Variants in GNE observed in about 807,000 individuals in gnomAD.
GNE encodes glucosamine (UDP-N-acetyl)-2-epimerase/N-acetylmannosamine kinase.
In GNE, 41 loss-of-function variants were observed where a neutral mutation model predicts 61.8. That is an observed-to-expected ratio of 0.66 (90% confidence interval 0.52 to 0.86). The LOEUF (loss-of-function observed/expected upper bound fraction) is 0.86. Ranked by LOEUF, GNE falls within the 40% of genes least tolerant of loss-of-function variation. The probability of loss-of-function intolerance (pLI) is 0.00; values close to 1 mark genes in which losing one functional copy is unlikely to be tolerated. For synonymous variants in GNE, 264 were observed against 326.4 expected, an observed-to-expected ratio of 0.81 and a Z score of 2.06; for missense variants, 608 against 909.1, an observed-to-expected ratio of 0.67 and a Z score of 4.26.
chr9:36,223,594 T>G (rs1401461318), intron 7 of GNE, 92 bp from the exon 8 acceptor site: 15 of 1,307,330 alleles, frequency 1.1e-5, no homozygotes, highest in Non-Finnish European at 1.5e-5. Flanking sequence ...AATTAGACAC[T>G]GCTATAGGAT....
intron 5 of GNE, among the ~76,000 whole-genome samples, chr9:36,231,307 A>G (rs1019101062): frequency 1.3e-5 from 2 of 152,084 alleles, no homozygotes; most frequent in Non-Finnish European, 2.9e-5. Flanking sequence ...TCTACAAAAC[A>G]TTTTGTAAAA....
rs1002961152 is a variant in GNE at position 36,246,016 on chromosome 9, G to T, written c.616+15C>A. 5.6e-6 allele frequency: 9 copies of T among 1,600,862 alleles called. No individual in the cohort carries two copies. Among genetic ancestry groups the T allele is most frequent in the Non-Finnish European group, 7.7e-6 (9 of 1,168,666 alleles). ...AAAAACAGCCATTAGACTGACTAAA[G>T]TCTGAGATACGTACCTAGCCACATG... On this transcript the variant is annotated intron_variant, in intron 3 of 11. Coordinates refer to ENST00000642385, the MANE Select transcript of GNE (RefSeq NM_005476.7).
chr9:36,222,418 CAAA>C (rs753437656), intron 9 of GNE, among the ~76,000 whole-genome samples: 3 of 117,300 alleles, frequency 2.6e-5, no homozygotes, highest in Non-Finnish European at 1.7e-5. Flanking sequence ...GACTCCGTCT[CAAA>C]AAAAAAAAAA....
chr9:36,253,086 C>G (rs1035216651), intron 1 of GNE, among the ~76,000 whole-genome samples: 4 of 152,064 alleles, frequency 2.6e-5, no homozygotes, highest in African/African-American at 9.7e-5. Context: ...CACTTGAACA[C>G]ATGAGGCGGA....
chr9:36,227,364 A>G lies in GNE; in HGVS notation c.1165T>C (p.Phe389Leu). ...GAGATATTCTCCTTCACAGGAGGAA[A>G]GCAGAATTTCTTTTGCAGTGGCTCT... Reference protein sequence around the residue: ...LQEPLQKKFCFPPVKENISQD... With the variant: ...LQEPLQKKFCLPPVKENISQD... The change falls in exon 7 of 12, where the codon TTT becomes CTT. Residue 389 changes from phenylalanine (F) to leucine (L), a missense_variant. Coordinates refer to ENST00000642385, the MANE Select transcript of GNE (RefSeq NM_005476.7). 6.2e-7 allele frequency: 1 copy of G among 1,611,946 alleles called. No individual in the cohort carries two copies. Among genetic ancestry groups the G allele is most frequent in the Non-Finnish European group, 8.5e-7 (1 of 1,177,936 alleles).
chr9:36,265,239 A>T, intron 1 of GNE: 1 of 374,678 alleles, frequency 2.7e-6, no homozygotes, highest in South Asian at 2.0e-5. Context: ...ACGTCTTCCA[A>T]TAGAGCTATA....
intron 1 of GNE, among the ~76,000 whole-genome samples, chr9:36,264,657 A>C (rs1830709996): frequency 6.6e-6 from 1 of 152,172 alleles, no homozygotes; most frequent in African/African-American, 2.4e-5. Context: ...TCCTAGGCCG[A>C]CTAAGAATCC....
At chr9:36,227,512 T>A (rs918249394) in intron 6 of GNE, 54 bp from the exon 7 acceptor site, 6 of 1,092,386 alleles carry the variant, frequency 5.5e-6, no homozygotes, top group Non-Finnish European at 8.5e-6. Flanking sequence ...ACATGTTAAG[T>A]GGTAGTGAGG....
chr9:36,270,784 T>C (rs1831000529), intron 1 of GNE, among the ~76,000 whole-genome samples: 1 of 152,136 alleles, frequency 6.6e-6, no homozygotes, highest in Non-Finnish European at 1.5e-5. Flanking sequence ...CCCAAAGTGC[T>C]GGGATTACAG....
chr9:36,248,568 C>G (rs1829997351), intron 2 of GNE, among the ~76,000 whole-genome samples: 2 of 152,072 alleles, frequency 1.3e-5, no homozygotes, highest in Admixed American at 1.3e-4. Flanking sequence ...AGGTGATCCA[C>G]CCACCTCAGC....
chr9:36,226,631 C>T (rs926955363), intron 7 of GNE, among the ~76,000 whole-genome samples: 6 of 152,152 alleles, frequency 3.9e-5, no homozygotes, highest in South Asian at 2.1e-4. Context: ...TATTTCTCAT[C>T]GTCTCTGGAA....
intron 1 of GNE, among the ~76,000 whole-genome samples, chr9:36,256,881 A>C (rs1830374645): frequency 6.6e-6 from 1 of 152,290 alleles, no homozygotes; most frequent in South Asian, 2.1e-4. Context: ...AGCACAGAGA[A>C]AATAATTTAC....
intron 3 of GNE, among the ~76,000 whole-genome samples, chr9:36,238,813 G>A (rs1829514971): frequency 6.6e-6 from 1 of 152,138 alleles, no homozygotes; most frequent in South Asian, 2.1e-4. Flanking sequence ...CCTTGCCTAA[G>A]CCAATGTCTA....
chr9:36,260,103 G>A (rs573928683), upstream of GNE, among the ~76,000 whole-genome samples: 5 of 151,906 alleles, frequency 3.3e-5, no homozygotes, highest in Non-Finnish European at 7.4e-5. Context: ...ATAAGGGGAT[G>A]ACAGGGAAAA....
rs1563930214 is a variant in GNE, at chr9:36,222,880, GAGA to G, written c.1527_1529del (p.Leu510del). On this transcript the variant is annotated inframe_deletion, in exon 9 of 12. Coordinates refer to ENST00000642385, the MANE Select transcript of GNE (RefSeq NM_005476.7). The stretch of plus-strand genomic sequence containing the variant: ...TGCCATCATTGTCTACCCACACAGG[GAGA>G]TGCAAAGTGTCAGAAAGGGGGGTCC... 6.2e-7 allele frequency: 1 copy of G among 1,614,110 alleles called. No individual in the cohort carries two copies. Among genetic ancestry groups the G allele is most frequent in the Non-Finnish European group, 8.5e-7 (1 of 1,179,984 alleles).
chr9:36,273,592 C>T (rs1004245026), intron 1 of GNE, among the ~76,000 whole-genome samples: 1 of 151,986 alleles, frequency 6.6e-6, no homozygotes, highest in East Asian at 1.9e-4. Flanking sequence ...ATTTCTTACC[C>T]TACCTGTTTC....
chr9:36,237,135 A>G (rs1829428459), intron 3 of GNE, 151 bp from the exon 4 acceptor site: 1 of 665,632 alleles, frequency 1.5e-6, no homozygotes, highest in Non-Finnish European at 2.7e-6. Flanking sequence ...CATCCAAATT[A>G]GAGTCAAATG....
At position 36,216,672 on chromosome 9, in the gene GNE, T is replaced by TTATTTA. The variant is rs1346976952; in HGVS notation, c.*692_*693insTAAATA. The TTATTTA allele has an allele frequency of 2.3e-5, 2 of 87,942 alleles. No homozygotes were observed. Among genetic ancestry groups the TTATTTA allele is most frequent in the African/African-American group, 9.3e-5 (2 of 21,582 alleles). 5.4% of individuals were successfully genotyped at this position (87,942 alleles called of 1,614,324 possible). On this transcript the variant is annotated 3_prime_UTR_variant, in exon 12 of 12. Coordinates refer to ENST00000642385, the MANE Select transcript of GNE (RefSeq NM_005476.7). ...ATTATTATTATTATTATTATTATTA[T>TTATTTA]TTATTATTATTATTTTTGAGATGGA...
At chr9:36,276,186 A>G (rs1571270) in intron 1 of GNE, among the ~76,000 whole-genome samples, 20,174 of 152,120 alleles carry the variant, frequency 0.13, 2,101 homozygotes, top group African/African-American at 0.28. Flanking sequence ...ACACACACAC[A>G]CACACACGTT....
Sources: gnomAD v4.1 joint callset for allele counts (sites outside exome capture counted in the v4.1 genomes callset) on GRCh38, gnomAD v4.1.1 for gene constraint, MANE v1.5 for transcripts, NCBI Gene and HGNC (gene_info 2026-07-23, HGNC 2026-07-21) for gene names.